The following KDM3A variants were observed in gnomAD, a reference collection of about 807,000 sequenced individuals.
KDM3A encodes the protein lysine-specific demethylase 3A.
Under a neutral mutation model 158.0 loss-of-function variants are expected in KDM3A, and 60 were observed. That is an observed-to-expected ratio of 0.38 (90% CI 0.31 to 0.47). The LOEUF is 0.47. Among genes scored for constraint, KDM3A ranks in the 20% least tolerant of loss-of-function variants. The pLI is 0.99. For synonymous variants in KDM3A, 608 were observed against 549.3 expected (o/e 1.11, Z -1.49); for missense variants, 1,319 against 1,574.3 (o/e 0.84, Z 2.74).
intron 16 of KDM3A, 130 bp from the exon 17 acceptor site, chr2:86,481,800 A>C (rs1165436370): frequency 1.5e-6 from 1 of 655,586 alleles, no homozygotes; most frequent in East Asian, 2.7e-5. Context: ...ATTCATACTT[A>C]CTCCCTAAAG....
chr2:86,459,660 C>G (rs1672846740), intron 8 of KDM3A, among the ~76,000 whole-genome samples: 1 of 152,084 alleles, frequency 6.6e-6, no homozygotes, highest in African/African-American at 2.4e-5. Flanking sequence ...GGTGTTTGAG[C>G]AAGTAAATTT....
At position 86,492,112 on chromosome 2, in the gene KDM3A, A is replaced by C; in HGVS notation, c.3959A>C (p.Lys1320Thr). The change falls in exon 26 of 26, where the codon AAA (lysine) becomes ACA (threonine). Residue 1320 changes from lysine to threonine, a missense_variant. Transcript: ENST00000312912. ...AAAGCCAGTGAATCCAGTTTTGGCAAACCTTAATCTCCCTGCACATTGGAA... is the reference window on the plus strand; with the variant it reads ...AAAGCCAGTGAATCCAGTTTTGGCACACCTTAATCTCCCTGCACATTGGAA... ...MLKASESSFG[K>T]P The C allele has an allele frequency of 1.2e-6, 2 of 1,610,804 alleles. No homozygotes were observed. Among genetic ancestry groups the C allele is most frequent in the Non-Finnish European group, 1.7e-6 (2 of 1,177,196 alleles).
intron 2 of KDM3A, among the ~76,000 whole-genome samples, chr2:86,444,860 CAA>C (rs1238636480): frequency 6.6e-6 from 1 of 151,738 alleles, no homozygotes; most frequent in Non-Finnish European, 1.5e-5. Context: ...ACTTAGATGA[CAA>C]AAAGAGAATA....
chr2:86,477,825 GT>G, intron 12 of KDM3A, 51 bp from the exon 13 acceptor site: 1 of 1,529,888 alleles, frequency 6.5e-7, no homozygotes, highest in Non-Finnish European at 8.8e-7. Flanking sequence ...TTCGTTTTTG[GT>G]TTCAGAAGCC....
At position 86,457,021 on chromosome 2, in the gene KDM3A, T is replaced by A; in HGVS notation, c.793T>A (p.Ser265Thr). ...AATTGGAGCTGTAAAACGCAAGTCT[T>A]CTGAGAATAATGGAACCCTGGTTTC... ...ARIGAVKRKS[S>T]ENNGTLVSKQ... is the part of the protein sequence containing the mutation. Residue 265 changes from serine (S) to threonine (T), a missense_variant, in exon 8 of 26, where the codon TCT becomes ACT. This residue lies in a region of KDM3A where 652 missense variants were observed against 627.2 expected (regional missense o/e 1.04). Transcript: ENST00000312912. 6.2e-7 allele frequency: 1 copy of A among 1,602,258 alleles called. No homozygotes were observed. The highest frequency in any genetic ancestry group is 8.5e-7 in the Non-Finnish European group (1 of 1,173,032).
rs775092002 is a variant in KDM3A, at chr2:86,466,693, A to G, written c.1329A>G (p.Ala443=). The part of the protein sequence containing the change: ...PPELQKHLEH[A]PSPSDVSNAP... ...AACTGCAGAAGCACCTAGAACATGC[A>G]CCTTCCCCATCGGATGTTTCAAATG... The change falls in exon 10 of 26, where the codon GCA becomes GCG. Residue 443 remains alanine, a synonymous_variant. Transcript: ENST00000312912. The G allele has an allele frequency of 3.7e-6, 6 of 1,613,844 alleles. No homozygotes were observed. The highest frequency in any genetic ancestry group is 2.7e-5 in the African/African-American group (2 of 74,910).
In KDM3A at chr2:86,478,460, T is replaced by A. The variant is rs113287945; in HGVS notation, c.2189-148T>A. On this transcript the variant is annotated intron_variant, in intron 14 of 25. Coordinates refer to ENST00000312912, the MANE Select transcript of KDM3A (RefSeq NM_018433.6). ...GATAGTTTTGTAGTAGAAAAGAAAA[T>A]GCATTTTGGGGAAGGCCTCTGGAGC... is the stretch of plus-strand genomic sequence containing the variant. The A allele has an allele frequency of 1.3e-5, 12 of 953,306 alleles. No individual in the cohort carries two copies. The African/African-American group carries it at 1.8e-4, about 14-fold the overall frequency. 59.1% of individuals were successfully genotyped at this position (953,306 alleles called of 1,614,324 possible). A position where few individuals can be genotyped will look rare whatever the true frequency, so the allele number is the denominator to read the frequency against.
chr2:86,454,113 TTC>T (rs1672587482), intron 4 of KDM3A, among the ~76,000 whole-genome samples: 1 of 152,228 alleles, frequency 6.6e-6, no homozygotes, highest in African/African-American at 2.4e-5. Context: ...CATTCAGATT[TTC>T]TGTTTGTCCC....
intron 2 of KDM3A, among the ~76,000 whole-genome samples, chr2:86,446,491 A>AG (rs1186197738): frequency 1.2e-4 from 18 of 152,162 alleles, no homozygotes; most frequent in African/African-American, 4.1e-4. Flanking sequence ...TCATCTGGTC[A>AG]GGAGGTCAGG....
chr2:86,458,226 G>C (rs1390526334), intron 8 of KDM3A, among the ~76,000 whole-genome samples: 1 of 152,154 alleles, frequency 6.6e-6, no homozygotes, highest in Non-Finnish European at 1.5e-5. Flanking sequence ...AAACACTTGA[G>C]TCTGTGTAGC....
chr2:86,474,709 G>T (rs1558623078), intron 11 of KDM3A, 67 bp from the exon 12 acceptor site: 1 of 664,902 alleles, frequency 1.5e-6, no homozygotes, highest in Non-Finnish European at 2.7e-6. Context: ...AGTTGTGTGT[G>T]TGTGTGTGTG....
At chr2:86,478,801 C>A in intron 15 of KDM3A, 66 bp downstream of exon 15, 2 of 1,512,522 alleles carry the variant, frequency 1.3e-6, no homozygotes, top group South Asian at 1.2e-5. Flanking sequence ...TTCAAATAAC[C>A]CAAGGATTTC....
upstream of KDM3A, chr2:86,440,876 A>G (rs924190126): frequency 2.0e-5 from 3 of 152,350 alleles, no homozygotes; most frequent in African/African-American, 4.8e-5. Flanking sequence ...CTAACCCTGC[A>G]CCGCCCTCAC....
intron 21 of KDM3A, chr2:86,488,989 G>T: frequency 4.0e-6 from 1 of 251,608 alleles, no homozygotes; most frequent in Non-Finnish European, 7.7e-6. Flanking sequence ...GTGGTCCTTG[G>T]GCTTTGTCTC....
At chr2:86,489,228 CAG>C in intron 21 of KDM3A, 88 bp from the exon 22 acceptor site, 1 of 1,419,674 alleles carries the variant, frequency 7.0e-7, no homozygotes, top group East Asian at 2.3e-5. Flanking sequence ...AAGAGTCAAT[CAG>C]GGACCTACCA....
chr2:86,483,071 A>G, intron 18 of KDM3A: 1 of 212,508 alleles, frequency 4.7e-6, no homozygotes, highest in South Asian at 7.8e-5. Flanking sequence ...TCTTACCTGA[A>G]TGAAAAGCCT....
intron 12 of KDM3A, among the ~76,000 whole-genome samples, chr2:86,477,221 G>T (rs1016250814): frequency 3.3e-5 from 5 of 152,130 alleles, no homozygotes; most frequent in African/African-American, 1.2e-4. Flanking sequence ...TGGTTAGTGT[G>T]AGTTAGTCCT....
At position 86,478,255 on chromosome 2, in the gene KDM3A, T is replaced by C; in HGVS notation, c.2178T>C (p.Ile726=). 1 of 1,609,580 alleles carries C rather than the reference T, an allele frequency of 6.2e-7. No homozygotes were observed. Among genetic ancestry groups the C allele is most frequent in the Non-Finnish European group, 8.5e-7 (1 of 1,175,812 alleles). ...EPENLMPTQI[I]PGKALYDVGD... ...AGAACTTAATGCCCACACAGATCAT[T>C]CCTGGAAAAGGTATTTCATGTGCTG... is the stretch of plus-strand genomic sequence containing the variant. The change falls in exon 14 of 26, where the codon ATT becomes ATC. Residue 726 remains isoleucine, a synonymous_variant. Coordinates refer to ENST00000312912, the MANE Select transcript of KDM3A (RefSeq NM_018433.6).
Position 86,484,037 on chromosome 2 carries a change from A to T in KDM3A, c.2973A>T (p.Lys991Asn). ...ATAAATTGAACTCTGAACTTTGGAA[A>T]CCTGAATCCTTCAGGAAAGAGTTTG... ...VHHKLNSELW[K>N]PESFRKEFGE... is the part of the protein sequence containing the mutation. Residue 991 changes from lysine (K) to asparagine (N), a missense_variant, in exon 19 of 26, where the codon AAA becomes AAT. This residue lies in a region of KDM3A where 368 missense variants were observed against 415.8 expected (regional missense o/e 0.89). Coordinates refer to ENST00000312912, the MANE Select transcript of KDM3A (RefSeq NM_018433.6). 1 of 1,613,968 alleles carries T rather than the reference A, an allele frequency of 6.2e-7. No individual in the cohort carries two copies.
Sources: allele counts gnomAD v4.1 joint callset (sites outside exome capture counted in the v4.1 genomes callset), GRCh38; gene constraint gnomAD v4.1.1; regional missense constraint gnomAD v4.1.1; transcripts MANE v1.5; gene names NCBI Gene and HGNC (gene_info 2026-07-23, HGNC 2026-07-21).